SPMAP2L: variants seen among roughly 807,000 people sequenced by gnomAD.
SPMAP2L encodes the protein sperm microtubule associated protein 2-like.
chr4:56,564,491 T>C, the SPMAP2L span, among the ~76,000 whole-genome samples: 1 of 152,188 alleles, frequency 6.6e-6, no homozygotes, highest in African/African-American at 2.4e-5. Context: ...GTTGTTCATA[T>C]ATTTTCTTAC....
the SPMAP2L span, among the ~76,000 whole-genome samples, chr4:56,602,550 C>G: frequency 0.011 from 1,629 of 152,110 alleles, 14 homozygotes; most frequent in Non-Finnish European, 0.017. Context: ...AAAAAGTTTG[C>G]TGGGCATAGT....
the SPMAP2L span, among the ~76,000 whole-genome samples, chr4:56,538,363 TA>T: frequency 6.6e-6 from 1 of 152,216 alleles, no homozygotes. Context: ...CTCTCATGGC[TA>T]ATTTCTATTA....
the SPMAP2L span, among the ~76,000 whole-genome samples, chr4:56,562,786 C>CTTTTTTTT: frequency 1.3e-3 from 187 of 145,112 alleles, 1 homozygote; most frequent in South Asian, 5.5e-3. Flanking sequence ...TTTTCTTCGT[C>CTTTTTTTT]TTTTTTTTTA....
chr4:56,543,981 A>T, the SPMAP2L span, among the ~76,000 whole-genome samples: 2,061 of 103,002 alleles, frequency 0.02, 75 homozygotes, highest in African/African-American at 0.071. Flanking sequence ...TGTGAGAGAG[A>T]GAGAGAGAGA....
chr4:56,562,636 T>C, the SPMAP2L span, among the ~76,000 whole-genome samples: 1 of 152,172 alleles, frequency 6.6e-6, no homozygotes, highest in African/African-American at 2.4e-5. Flanking sequence ...TGTGTGTGCA[T>C]CACATTTGCT....
chr4:56,540,468 G>T, the SPMAP2L span, among the ~76,000 whole-genome samples: 2 of 152,060 alleles, frequency 1.3e-5, no homozygotes, highest in African/African-American at 2.4e-5. Flanking sequence ...GCTTGAACCC[G>T]GTAGGCAGAG....
the SPMAP2L span, among the ~76,000 whole-genome samples, chr4:56,624,787 C>T: frequency 1.0e-3 from 153 of 152,308 alleles, no homozygotes; most frequent in African/African-American, 3.3e-3. Flanking sequence ...CTTGGATGTC[C>T]AGGCAAAAGT....
At chr4:56,553,826 A>G in the SPMAP2L span, among the ~76,000 whole-genome samples, 14 of 152,004 alleles carry the variant, frequency 9.2e-5, no homozygotes, top group Non-Finnish European at 1.2e-4. Context: ...TGTTCCAACT[A>G]TTCATTTCTT....
chr4:56,602,495 C>A, the SPMAP2L span, among the ~76,000 whole-genome samples: 6,010 of 152,120 alleles, frequency 0.04, 155 homozygotes, highest in Non-Finnish European at 0.055. Flanking sequence ...GAGTTTGAGA[C>A]CAGACTGGGC....
At chr4:56,596,706 G>A in the SPMAP2L span, 10 of 1,358,998 alleles carry the variant, frequency 7.4e-6, no homozygotes, top group Admixed American at 3.1e-4. Flanking sequence ...CCTCTACAGG[G>A]CATAGCCCAA....
the SPMAP2L span, among the ~76,000 whole-genome samples, chr4:56,608,259 A>T: frequency 6.6e-6 from 1 of 152,210 alleles, no homozygotes; most frequent in Non-Finnish European, 1.5e-5. Context: ...TGAATTAAAG[A>T]TGGAATTTAT....
chr4:56,590,034 T>C, the SPMAP2L span, among the ~76,000 whole-genome samples: 1 of 152,226 alleles, frequency 6.6e-6, no homozygotes, highest in Admixed American at 6.5e-5. Flanking sequence ...TTGCTTTGGC[T>C]AGGACTTCCA....
At chr4:56,593,914 A>G in the SPMAP2L span, 3 of 1,609,424 alleles carry the variant, frequency 1.9e-6, no homozygotes, top group Admixed American at 1.7e-5. Context: ...TGATTTTGCC[A>G]GAAGGTCTCA....
chr4:56,538,605 C>T, the SPMAP2L span, among the ~76,000 whole-genome samples: 1 of 152,176 alleles, frequency 6.6e-6, no homozygotes, highest in Admixed American at 6.5e-5. Context: ...GAGTTCAAGA[C>T]CAGCCTGGCC....
At chr4:56,621,236 A>G in the SPMAP2L span, among the ~76,000 whole-genome samples, 1 of 152,220 alleles carries the variant, frequency 6.6e-6, no homozygotes, top group Non-Finnish European at 1.5e-5. Context: ...AATGAAAAGC[A>G]ACATGAAAGC....
At chr4:56,625,675 G>A in the SPMAP2L span, among the ~76,000 whole-genome samples, 1 of 152,158 alleles carries the variant, frequency 6.6e-6, no homozygotes, top group East Asian at 1.9e-4. Flanking sequence ...TGCCATGTAA[G>A]AAGTGCCTTT....
chr4:56,589,140 C>A, the SPMAP2L span, among the ~76,000 whole-genome samples: 3 of 152,062 alleles, frequency 2.0e-5, no homozygotes, highest in African/African-American at 7.2e-5. Flanking sequence ...AGGCGCCCAC[C>A]ACCACACCTG....
the SPMAP2L span, chr4:56,548,912 C>A: frequency 6.8e-3 from 5,839 of 861,406 alleles, 193 homozygotes; most frequent in African/African-American, 0.074. Flanking sequence ...CGTGGGTCTA[C>A]CTTGGGGTTT....
chr4:56,565,596 T>C, the SPMAP2L span, among the ~76,000 whole-genome samples: 1 of 152,210 alleles, frequency 6.6e-6, no homozygotes, highest in Non-Finnish European at 1.5e-5. Flanking sequence ...CCATGAAAGT[T>C]AATAAAATGG....
Sources: gnomAD v4.1 joint callset for allele counts (sites outside exome capture counted in the v4.1 genomes callset) on GRCh38, gnomAD v4.1.1 for gene constraint, MANE v1.5 for transcripts, NCBI Gene and HGNC (gene_info 2026-07-23, HGNC 2026-07-21) for gene names.